The following ITPR2 variants were observed in gnomAD, a reference collection of about 807,000 sequenced individuals.
ITPR2 encodes the protein inositol 1,4,5-trisphosphate-gated calcium channel ITPR2.
Under a neutral mutation model 317.1 loss-of-function variants are expected in ITPR2, and 207 were observed. The ratio of observed to expected loss-of-function variants is 0.65; its 90% confidence interval spans 0.58 to 0.73. The LOEUF (loss-of-function observed/expected upper bound fraction) is 0.73. Among genes scored for constraint, ITPR2 ranks in the 30% least tolerant of loss-of-function variants. ITPR2 has a pLI of 0.00. For missense variants in ITPR2, 2,613 were observed against 3,284.0 expected (o/e 0.80, Z 4.99); for synonymous variants, 1,156 against 1,149.1 (o/e 1.01, Z -0.12).
At chr12:26,676,399 C>A (rs1947908025) in intron 13 of ITPR2, among the ~76,000 whole-genome samples, 2 of 151,184 alleles carry the variant, frequency 1.3e-5, no homozygotes, top group South Asian at 4.2e-4. Context: ...ATCACTTGAG[C>A]CTGCGAGGCG....
chr12:26,497,938 T>C (rs920102990), intron 37 of ITPR2, among the ~76,000 whole-genome samples: 3 of 152,114 alleles, frequency 2.0e-5, no homozygotes, highest in African/African-American at 7.2e-5. Flanking sequence ...TTTCACCATG[T>C]TGGCCAGAGC....
In ITPR2 at chr12:26,487,202, A is replaced by G. The variant is rs1172100457; in HGVS notation, c.5420T>C (p.Phe1807Ser). The change falls in exon 40 of 57, where the codon TTT (phenylalanine) becomes TCT (serine). Residue 1807 changes from phenylalanine (F) to serine (S), a missense_variant. Physicochemically the swap from Phe to Ser is radical, Grantham distance 155 (BLOSUM62 -2). This residue lies in a region of ITPR2 where 926 missense variants were observed against 1,072.8 expected (regional missense o/e 0.86). Coordinates refer to ENST00000381340, the MANE Select transcript of ITPR2 (RefSeq NM_002223.4). ...LHEQKKSEKF[F>S]KVLYDRMKAA... is the part of the protein sequence containing the mutation. ...CTTCATTCGATCATAGAGAACTTTAAAGAATTTTTCTGACTTTTTTTGTTC... is the reference window on the plus strand; with the variant it reads ...CTTCATTCGATCATAGAGAACTTTAGAGAATTTTTCTGACTTTTTTTGTTC... 14 of 1,607,400 alleles carry G rather than the reference A, an allele frequency of 8.7e-6. No homozygotes were observed. The highest frequency in any genetic ancestry group is 1.1e-5 in the Non-Finnish European group (13 of 1,178,352).
chr12:26,407,129 C>T (rs1363501802), intron 52 of ITPR2, among the ~76,000 whole-genome samples: 1 of 152,110 alleles, frequency 6.6e-6, no homozygotes, highest in Non-Finnish European at 1.5e-5. Flanking sequence ...CTGCTGCAGC[C>T]TAAAAGATGG....
intron 36 of ITPR2, among the ~76,000 whole-genome samples, chr12:26,551,217 GA>G (rs1944517307): frequency 6.6e-6 from 1 of 152,094 alleles, no homozygotes; most frequent in South Asian, 2.1e-4. Context: ...TAACCCTGGG[GA>G]AAAAGTGAAC....
At chr12:26,378,705 T>C (rs1047644345) in intron 55 of ITPR2, among the ~76,000 whole-genome samples, 2 of 152,354 alleles carry the variant, frequency 1.3e-5, no homozygotes, top group East Asian at 3.9e-4. Context: ...GCCTCATGCA[T>C]AGTTCTCCTC....
chr12:26,477,200 T>C (rs1197482123), intron 43 of ITPR2, among the ~76,000 whole-genome samples, 193 bp from the exon 44 acceptor site: 1 of 152,188 alleles, frequency 6.6e-6, no homozygotes, highest in Non-Finnish European at 1.5e-5. Flanking sequence ...ATATAACTAA[T>C]GAATCATGAG....
At position 26,486,094 on chromosome 12, in the gene ITPR2, GAACA is replaced by G. The variant is rs1942657908; in HGVS notation, c.5811+6_5811+9del. On this transcript the variant is annotated splice_donor_region_variant and intron_variant, in intron 41 of 56. Transcript: ENST00000381340. Reference sequence around the variant, plus strand: ...GTATTCTCAGCTTTCACACAAAACAGAACAAATACCTGCAATTCCCGGTTGTGAT... The same window carrying G: ...GTATTCTCAGCTTTCACACAAAACAGAATACCTGCAATTCCCGGTTGTGAT... 6.2e-7 allele frequency: 1 copy of G among 1,613,740 alleles called. No individual in the cohort carries two copies. The highest frequency in any genetic ancestry group is 1.7e-5 in the Admixed American group (1 of 60,010).
intron 21 of ITPR2, among the ~76,000 whole-genome samples, chr12:26,639,569 A>G (rs1428432163): frequency 6.6e-6 from 1 of 151,602 alleles, no homozygotes; most frequent in Admixed American, 6.6e-5. Flanking sequence ...TGCTGCACCC[A>G]GTAACTCGTC....
intron 2 of ITPR2, among the ~76,000 whole-genome samples, chr12:26,737,990 C>A (rs891055239): frequency 6.6e-6 from 1 of 152,026 alleles, no homozygotes; most frequent in Admixed American, 6.6e-5. Context: ...AACAAAGAAA[C>A]ACGCTTTCCC....
chr12:26,588,099 G>A (rs11048596), intron 32 of ITPR2, among the ~76,000 whole-genome samples: 4,939 of 152,274 alleles, frequency 0.032, 123 homozygotes, highest in Middle Eastern at 0.095. Context: ...ATTTTAGAGT[G>A]AGGCATGGGA....
intron 13 of ITPR2, among the ~76,000 whole-genome samples, chr12:26,679,365 T>C (rs960180317): frequency 2.6e-5 from 4 of 152,208 alleles, no homozygotes; most frequent in Non-Finnish European, 4.4e-5. Context: ...TTTGTTCTTT[T>C]GTATTGTAAG....
At chr12:26,600,137 G>A (rs1161191012) in intron 28 of ITPR2, 28 bp from the exon 29 acceptor site, 2 of 1,587,394 alleles carry the variant, frequency 1.3e-6, no homozygotes, top group East Asian at 4.5e-5. Context: ...GCACATGATA[G>A]AAACAAACAT....
rs140966047 is a variant in ITPR2, at chr12:26,435,679, A to G, written c.6769+542T>C. Reference sequence around the variant, plus strand: ...TTAGTTTAATAATAGTTTCATATTCAGTATCCTTTATTTCCTATTATTATA... The same window carrying G: ...TTAGTTTAATAATAGTTTCATATTCGGTATCCTTTATTTCCTATTATTATA... On this transcript the variant is annotated intron_variant, in intron 48 of 56. Coordinates refer to ENST00000381340, the MANE Select transcript of ITPR2 (RefSeq NM_002223.4). Among the ~76,000 whole-genome samples the G allele has an allele frequency of 1.5e-3, 226 of 152,318 alleles. 1 individual carries two copies. Among genetic ancestry groups the G allele is most frequent in the African/African-American group, 5.1e-3 (214 of 41,582 alleles).
At chr12:26,691,322 T>A (rs1042509785) in intron 10 of ITPR2, among the ~76,000 whole-genome samples, 1 of 152,160 alleles carries the variant, frequency 6.6e-6, no homozygotes, top group African/African-American at 2.4e-5. Context: ...TTGATTTTTT[T>A]AAGAAAAAAG....
At chr12:26,576,365 C>CTT (rs1945275358) in intron 34 of ITPR2, among the ~76,000 whole-genome samples, 1 of 152,138 alleles carries the variant, frequency 6.6e-6, no homozygotes, top group Non-Finnish European at 1.5e-5. Flanking sequence ...ATAAAAATTA[C>CTT]GTTCTCTTTC....
intron 37 of ITPR2, among the ~76,000 whole-genome samples, chr12:26,532,982 G>A (rs1166164543): frequency 3.3e-5 from 5 of 151,998 alleles, no homozygotes; most frequent in African/African-American, 1.2e-4. Flanking sequence ...CACCGTGCCC[G>A]GCCCAGAATA....
chr12:26,706,316 A>G (rs188822277), intron 9 of ITPR2, among the ~76,000 whole-genome samples: 179 of 152,302 alleles, frequency 1.2e-3, no homozygotes, highest in African/African-American at 4.3e-3. Context: ...AAATCTATTT[A>G]TTATACTCCT....
intron 54 of ITPR2, 122 bp downstream of exon 54, chr12:26,398,753 AT>A: frequency 1.2e-6 from 1 of 805,046 alleles, no homozygotes; most frequent in South Asian, 1.8e-5. Flanking sequence ...CATAATCTGA[AT>A]TTTATCCAAC....
At chr12:26,484,475 A>G (rs1387172750) in intron 41 of ITPR2, among the ~76,000 whole-genome samples, 1 of 152,182 alleles carries the variant, frequency 6.6e-6, no homozygotes. Flanking sequence ...ATATATGTAC[A>G]TAAGTACACC....
Sources: gnomAD v4.1 joint callset for allele counts (sites outside exome capture counted in the v4.1 genomes callset) on GRCh38, gnomAD v4.1.1 for gene constraint, gnomAD v4.1.1 regional missense constraint, MANE v1.5 for transcripts, NCBI Gene and HGNC (gene_info 2026-07-23, HGNC 2026-07-21) for gene names.